NFATC2: variants seen among roughly 807,000 people sequenced by gnomAD.
The protein encoded by NFATC2 is nuclear factor of activated T-cells, cytoplasmic 2.
In NFATC2, 22 loss-of-function variants were observed where a neutral mutation model predicts 87.3. The ratio of observed to expected loss-of-function variants is 0.25; its 90% CI spans 0.18 to 0.36. The LOEUF (loss-of-function observed/expected upper bound fraction) is 0.36, where lower values mean the gene tolerates loss of function less well. Among genes scored for constraint, NFATC2 ranks in the 10% least tolerant of loss-of-function variants. The probability of loss-of-function intolerance (pLI) is 1.00; values close to 1 mark genes in which losing one functional copy is unlikely to be tolerated. For missense variants in NFATC2, 1,149 were observed against 1,259.1 expected (o/e 0.91, Z 1.32); for synonymous variants, 565 against 542.2 (o/e 1.04, Z -0.58).
intron 3 of NFATC2, among the ~76,000 whole-genome samples, chr20:51,496,631 T>C (rs1382165000): frequency 6.6e-6 from 1 of 152,200 alleles, no homozygotes; most frequent in African/African-American, 2.4e-5. Context: ...CTTCAGTATT[T>C]ATGGTAACCT....
At chr20:51,506,862 G>A (rs1354875353) in intron 3 of NFATC2, among the ~76,000 whole-genome samples, 1 of 152,216 alleles carries the variant, frequency 6.6e-6, no homozygotes, top group East Asian at 1.9e-4. Context: ...CATATAATCA[G>A]AGAAAATCAG....
chr20:51,399,618 G>T (rs746786128), intron 9 of NFATC2, among the ~76,000 whole-genome samples: 1 of 152,168 alleles, frequency 6.6e-6, no homozygotes, highest in Non-Finnish European at 1.5e-5. Flanking sequence ...CCAATGTTGG[G>T]CTCCAACAGG....
intron 3 of NFATC2, among the ~76,000 whole-genome samples, chr20:51,497,280 G>A (rs1411390014): frequency 6.6e-6 from 1 of 152,062 alleles, no homozygotes; most frequent in East Asian, 1.9e-4. Context: ...GGTGCACTTG[G>A]GCCAATCATT....
rs6021269 is a variant in NFATC2 at position 51,524,633 on chromosome 20, C to G, written c.131-523G>C. Among the ~76,000 whole-genome samples the G allele has an allele frequency of 1.3e-5, 2 of 152,042 alleles. No homozygotes were observed. The highest frequency in any genetic ancestry group is 1.3e-4 in the Admixed American group (2 of 15,266). On this transcript the variant is annotated intron_variant, in intron 1 of 10. Coordinates refer to ENST00000371564, the MANE Select transcript of NFATC2 (RefSeq NM_012340.5). The surrounding 1 kb of genome is among the most constrained non-coding windows in gnomAD (Gnocchi z 4.0). ...CTATGGCAGCACTCTACACACATGACGTGGACGCAGGACACAGAGGGAGGC... is the reference window on the plus strand; with the variant it reads ...CTATGGCAGCACTCTACACACATGAGGTGGACGCAGGACACAGAGGGAGGC...
At chr20:51,504,588 T>C (rs2076145810) in intron 3 of NFATC2, among the ~76,000 whole-genome samples, 1 of 152,166 alleles carries the variant, frequency 6.6e-6, no homozygotes, top group South Asian at 2.1e-4. Flanking sequence ...AAAAACCTAT[T>C]GAAATAGACA....
chr20:51,409,278 G>A (rs576079503), intron 9 of NFATC2, among the ~76,000 whole-genome samples: 43 of 152,262 alleles, frequency 2.8e-4, no homozygotes, highest in African/African-American at 9.4e-4. Context: ...AGGAGACAGC[G>A]AAAGAACATT....
intron 9 of NFATC2, among the ~76,000 whole-genome samples, chr20:51,420,888 G>A (rs1054976332): frequency 6.6e-6 from 1 of 151,844 alleles, no homozygotes; most frequent in African/African-American, 2.4e-5. Flanking sequence ...AGGATGTCTA[G>A]GATTTGCTTC....
chr20:51,403,665 A>T (rs2426300), intron 9 of NFATC2, among the ~76,000 whole-genome samples: 9,997 of 152,070 alleles, frequency 0.066, 447 homozygotes, highest in East Asian at 0.2. Flanking sequence ...CCTAAGAAGA[A>T]GGGCCACCAG....
intron 10 of NFATC2, among the ~76,000 whole-genome samples, chr20:51,397,232 CAG>C (rs1339568807): frequency 6.6e-6 from 1 of 152,202 alleles, no homozygotes; most frequent in Non-Finnish European, 1.5e-5. Context: ...TTACTTGAAA[CAG>C]AGCTCTCCCA....
intron 3 of NFATC2, among the ~76,000 whole-genome samples, chr20:51,487,607 C>T (rs932412336): frequency 1.3e-5 from 2 of 152,230 alleles, no homozygotes; most frequent in Non-Finnish European, 2.9e-5. Flanking sequence ...TCTTTCACTA[C>T]AGCCACAGCT....
chr20:51,507,439 G>A (rs1233589429), intron 3 of NFATC2, among the ~76,000 whole-genome samples: 1 of 152,146 alleles, frequency 6.6e-6, no homozygotes, highest in Non-Finnish European at 1.5e-5. Context: ...GGAATCTAAG[G>A]CTCGTAGAGC....
chr20:51,454,735 G>C lies in NFATC2; in HGVS notation c.1709-47C>G, dbSNP rs763369006. 3.1e-6 allele frequency: 5 copies of C among 1,600,690 alleles called. No individual in the cohort carries two copies. The South Asian group carries it at 5.5e-5, about 18-fold the overall frequency. ...GTCACTGTGATAAGGGGAGATGTCT[G>C]TTCAAAAGAGGAGGTCTGATTTCAT... On this transcript the variant is annotated intron_variant, in intron 5 of 10. Transcript: ENST00000371564.
intron 10 of NFATC2, among the ~76,000 whole-genome samples, chr20:51,392,504 AAAG>A (rs565015011): frequency 2.6e-4 from 39 of 152,320 alleles, no homozygotes; most frequent in South Asian, 1.7e-3. Context: ...ACATTCTTGG[AAAG>A]AAGAAGGTGC....
rs775265687 is a variant in NFATC2, at chr20:51,511,011, AC to A, written c.1332+5772del. The stretch of plus-strand genomic sequence containing the variant: ...ACCCAAAGTTTGATTTATGGCCAAA[AC>A]TGAAAAATCAGAAATTTCACATAAA... On this transcript the variant is annotated intron_variant, in intron 3 of 10. Transcript: ENST00000371564. Among the ~76,000 whole-genome samples the A allele has an allele frequency of 4.6e-5, 7 of 152,362 alleles. No homozygotes were observed. The East Asian group carries it at 1.3e-3, about 29-fold the overall frequency.
intron 3 of NFATC2, among the ~76,000 whole-genome samples, chr20:51,477,846 TG>T (rs1219994126): frequency 1.3e-5 from 2 of 152,008 alleles, no homozygotes; most frequent in Non-Finnish European, 2.9e-5. Flanking sequence ...TGCAATCTAA[TG>T]CAAGAGCCAC....
intron 3 of NFATC2, among the ~76,000 whole-genome samples, chr20:51,491,844 A>G (rs2075890344): frequency 6.7e-6 from 1 of 149,116 alleles, no homozygotes; most frequent in African/African-American, 2.5e-5. Context: ...CTCGTTGAGA[A>G]CAGCCCCACC....
chr20:51,446,586 A>T (rs1380193999), intron 6 of NFATC2, among the ~76,000 whole-genome samples: 1 of 152,062 alleles, frequency 6.6e-6, no homozygotes, highest in Admixed American at 6.5e-5. Flanking sequence ...CTAACTAAAA[A>T]CTCATTTCTC....
At chr20:51,484,016 C>A (rs987822064) in intron 3 of NFATC2, among the ~76,000 whole-genome samples, 3 of 152,052 alleles carry the variant, frequency 2.0e-5, no homozygotes, top group Non-Finnish European at 4.4e-5. Context: ...ATCTTCCTTG[C>A]ATCAAAAAGC....
At chr20:51,446,252 C>T (rs1157304163) in intron 6 of NFATC2, among the ~76,000 whole-genome samples, 1 of 152,192 alleles carries the variant, frequency 6.6e-6, no homozygotes, top group East Asian at 1.9e-4. Flanking sequence ...GACAAGAAAC[C>T]AACATGGCTC....
Sources: gnomAD v4.1 joint callset for allele counts (sites outside exome capture counted in the v4.1 genomes callset) on GRCh38, gnomAD v4.1.1 for gene constraint, Gnocchi (gnomAD v3.1) non-coding constraint, MANE v1.5 for transcripts, NCBI Gene and HGNC (gene_info 2026-07-23, HGNC 2026-07-21) for gene names.